The following WWOX variants were observed in gnomAD, a reference collection of about 807,000 sequenced individuals.
WWOX encodes WW domain containing oxidoreductase, also known as WW domain-containing oxidoreductase.
Under a neutral mutation model 46.2 loss-of-function variants are expected in WWOX, and 69 were observed. That is an observed-to-expected ratio of 1.49 (90% CI 1.23 to 1.82). The LOEUF is 1.82. Ranked by LOEUF, WWOX falls within the 40% of genes most tolerant of loss-of-function variation. The pLI, the probability that WWOX is intolerant of heterozygous loss-of-function variation, is 0.00. For synonymous variants in WWOX, 359 were observed against 202.6 expected (o/e 1.77, Z -6.56); for missense variants, 919 against 542.6 (o/e 1.69, Z -6.89).
At chr16:78,501,400 A>T (rs777521659) in intron 8 of WWOX, among the ~76,000 whole-genome samples, 3 of 151,968 alleles carry the variant, frequency 2.0e-5, no homozygotes. Flanking sequence ...GGTATCTGTG[A>T]ATGTGTAAGA....
chr16:79,079,055 A>G (rs2048712393), intron 8 of WWOX, among the ~76,000 whole-genome samples: 1 of 152,200 alleles, frequency 6.6e-6, no homozygotes, highest in South Asian at 2.1e-4. Context: ...TGCTATAACA[A>G]CTTTACAATT....
chr16:79,065,345 G>A (rs964636728), intron 8 of WWOX, among the ~76,000 whole-genome samples: 3 of 152,134 alleles, frequency 2.0e-5, no homozygotes, highest in South Asian at 2.1e-4. Context: ...CAGCCTCCCC[G>A]AAAATTTGGA....
chr16:78,782,635 T>G (rs1176731751), intron 8 of WWOX, among the ~76,000 whole-genome samples: 1 of 151,888 alleles, frequency 6.6e-6, no homozygotes, highest in Non-Finnish European at 1.5e-5. Flanking sequence ...ACCTTTTACC[T>G]TTCTTTCTTT....
intron 8 of WWOX, among the ~76,000 whole-genome samples, chr16:79,085,925 GCCTGTAGTCCCAGCTACTCA>G (rs1009622328): frequency 2.6e-5 from 4 of 152,086 alleles, no homozygotes; most frequent in South Asian, 2.1e-4. Context: ...GGTGGTACAT[GCCTGTAGTCCCAGCTACTCA>G]CCTGTAGTCC....
intron 8 of WWOX, among the ~76,000 whole-genome samples, chr16:78,701,333 T>C (rs1342308857): frequency 1.3e-5 from 2 of 152,126 alleles, no homozygotes; most frequent in Non-Finnish European, 2.9e-5. Context: ...TGCCTTGGCC[T>C]CCCATAGTGC....
chr16:78,236,061 C>CACA (rs971992733), intron 5 of WWOX, among the ~76,000 whole-genome samples: 13 of 152,176 alleles, frequency 8.5e-5, no homozygotes, highest in Non-Finnish European at 7.3e-5. Context: ...TCCAATAAAA[C>CACA]TTTATTTATA....
intron 8 of WWOX, among the ~76,000 whole-genome samples, chr16:79,099,680 G>A (rs2049152588): frequency 6.6e-6 from 1 of 151,868 alleles, no homozygotes; most frequent in Non-Finnish European, 1.5e-5. Flanking sequence ...TTAACATATT[G>A]CACCAAATAC....
At chr16:78,879,217 A>G (rs2151212862) in intron 8 of WWOX, among the ~76,000 whole-genome samples, 1 of 152,298 alleles carries the variant, frequency 6.6e-6, no homozygotes, top group Admixed American at 6.5e-5. Context: ...CAACATCTGG[A>G]AAAAGAGCTG....
chr16:79,010,281 A>G (rs7185147), intron 8 of WWOX, among the ~76,000 whole-genome samples: 40,349 of 152,156 alleles, frequency 0.27, 7,438 homozygotes, highest in African/African-American at 0.53. Flanking sequence ...CAGACGAGGG[A>G]GACACTCACA....
chr16:78,400,749 A>C (rs949995129), intron 6 of WWOX, among the ~76,000 whole-genome samples: 1 of 152,232 alleles, frequency 6.6e-6, no homozygotes, highest in African/African-American at 2.4e-5. Context: ...AAGCAAATCC[A>C]AGAGATCATT....
chr16:79,135,999 G>C (rs944328704), intron 8 of WWOX, among the ~76,000 whole-genome samples: 1 of 152,048 alleles, frequency 6.6e-6, no homozygotes, highest in South Asian at 2.1e-4. Flanking sequence ...AATGTTTGTC[G>C]TTTGTTTGCA....
intron 5 of WWOX, among the ~76,000 whole-genome samples, chr16:78,265,181 G>T (rs1235471657): frequency 6.6e-6 from 1 of 150,810 alleles, no homozygotes; most frequent in Non-Finnish European, 1.5e-5. Context: ...TTGTATTTTT[G>T]GTAGAAACGG....
At chr16:78,395,355 C>T (rs776930581) in intron 6 of WWOX, among the ~76,000 whole-genome samples, 10 of 152,120 alleles carry the variant, frequency 6.6e-5, no homozygotes, top group Non-Finnish European at 1.5e-4. Context: ...CTTGTCTCTA[C>T]AAAAATTACA....
At chr16:79,172,051 G>A (rs1470501175) in intron 8 of WWOX, among the ~76,000 whole-genome samples, 7 of 152,100 alleles carry the variant, frequency 4.6e-5, no homozygotes, top group Admixed American at 4.6e-4. Context: ...TGGAGCGAGG[G>A]CAAGTTGGGA....
At chr16:78,388,969 C>A (rs1158106469) in intron 6 of WWOX, among the ~76,000 whole-genome samples, 257 of 129,064 alleles carry the variant, frequency 2.0e-3, no homozygotes, top group African/African-American at 2.2e-3. Flanking sequence ...AACTCTGTCT[C>A]AAAAAAAAAA....
intron 4 of WWOX, among the ~76,000 whole-genome samples, chr16:78,125,935 G>A (rs902549021): frequency 2.2e-4 from 33 of 151,832 alleles, no homozygotes; most frequent in African/African-American, 7.5e-4. Flanking sequence ...TTTAGAAAGC[G>A]AAGAAAAATA....
At chr16:78,447,773 A>G (rs1387275211) in intron 8 of WWOX, among the ~76,000 whole-genome samples, 1 of 152,206 alleles carries the variant, frequency 6.6e-6, no homozygotes, top group Non-Finnish European at 1.5e-5. Flanking sequence ...GCTACTTAGC[A>G]GCCAAGGAAA....
At chr16:78,591,182 C>T (rs916095607) in intron 8 of WWOX, among the ~76,000 whole-genome samples, 4 of 152,182 alleles carry the variant, frequency 2.6e-5, no homozygotes, top group African/African-American at 9.7e-5. Flanking sequence ...TTAGCACTTC[C>T]AGACATTATA....
intron 5 of WWOX, among the ~76,000 whole-genome samples, chr16:78,344,644 A>G (rs556934737): frequency 2.5e-5 from 3 of 121,532 alleles, no homozygotes; most frequent in African/African-American, 5.6e-5. Context: ...CCCAGTTTCA[A>G]TGAGTACCTA....
Sources: allele counts gnomAD v4.1 joint callset (sites outside exome capture counted in the v4.1 genomes callset), GRCh38; gene constraint gnomAD v4.1.1; transcripts MANE v1.5; gene names NCBI Gene and HGNC (gene_info 2026-07-23, HGNC 2026-07-21).